The following PACRG variants were observed in gnomAD, a reference collection of about 807,000 sequenced individuals.
PACRG encodes parkin coregulated gene protein.
In PACRG, 29 loss-of-function variants were observed where a neutral mutation model predicts 29.7. The ratio of observed to expected loss-of-function variants is 0.98; its 90% confidence interval spans 0.73 to 1.33. The LOEUF (loss-of-function observed/expected upper bound fraction) is 1.33, where lower values mean the gene tolerates loss of function less well. Ranked by LOEUF, PACRG falls within the 40% of genes most tolerant of loss-of-function variation. The pLI is 0.00. For missense variants in PACRG, 279 were observed against 316.2 expected (o/e 0.88, Z 0.89); for synonymous variants, 116 against 118.7 (o/e 0.98, Z 0.15).
At chr6:163,297,896 A>G (rs1177946256) in intron 4 of PACRG, among the ~76,000 whole-genome samples, 1 of 152,134 alleles carries the variant, frequency 6.6e-6, no homozygotes, top group African/African-American at 2.4e-5. Context: ...CTCCTTCTGT[A>G]TATGACCATC....
intron 2 of PACRG, among the ~76,000 whole-genome samples, chr6:163,059,276 C>T (rs1284097079): frequency 3.9e-5 from 6 of 152,034 alleles, no homozygotes; most frequent in African/African-American, 1.4e-4. Context: ...TCTCTTTTCT[C>T]ATAACTTTTG....
chr6:162,780,725 AT>A (rs890036795), intron 1 of PACRG, among the ~76,000 whole-genome samples: 2 of 152,108 alleles, frequency 1.3e-5, no homozygotes, highest in African/African-American at 4.8e-5. Flanking sequence ...ATCCAAATCA[AT>A]TTTTAGAGTT....
chr6:162,931,114 T>G (rs1351906555), intron 2 of PACRG, among the ~76,000 whole-genome samples: 1 of 151,738 alleles, frequency 6.6e-6, no homozygotes, highest in Non-Finnish European at 1.5e-5. Context: ...TTCTTTCTTC[T>G]ACAAAAAATT....
In PACRG at chr6:162,801,350, C is replaced by T. The variant is rs1408644767; in HGVS notation, c.157-12797C>T. On this transcript the variant is annotated intron_variant, in intron 1 of 4. Coordinates refer to ENST00000366888, the MANE Select transcript of PACRG (RefSeq NM_001080379.2). ...TCTCAAACTCCTGACCTCAGGTGATCCGCCCCCCTTGGCCTCCCAAAATGC... is the reference window on the plus strand; with the variant it reads ...TCTCAAACTCCTGACCTCAGGTGATTCGCCCCCCTTGGCCTCCCAAAATGC... Among the ~76,000 whole-genome samples the T allele has an allele frequency of 4.0e-5, 6 of 151,700 alleles. No individual in the cohort carries two copies. The South Asian group carries it at 8.3e-4, about 21-fold the overall frequency.
intron 2 of PACRG, among the ~76,000 whole-genome samples, chr6:162,926,333 C>T (rs1797439574): frequency 6.6e-6 from 1 of 151,530 alleles, no homozygotes; most frequent in Admixed American, 6.6e-5. Flanking sequence ...AAACAAGAGC[C>T]CATATATCCA....
intron 4 of PACRG, among the ~76,000 whole-genome samples, chr6:163,163,255 T>C (rs1778635967): frequency 6.6e-6 from 1 of 151,996 alleles, no homozygotes; most frequent in South Asian, 2.1e-4. Context: ...ATGGTTTTTT[T>C]TGTTGTTTTT....
At chr6:163,202,240 G>A (rs73784531) in intron 4 of PACRG, among the ~76,000 whole-genome samples, 9,440 of 152,006 alleles carry the variant, frequency 0.062, 747 homozygotes, top group African/African-American at 0.18. Flanking sequence ...ACTGAGGGAG[G>A]AAACATAAGA....
intron 2 of PACRG, among the ~76,000 whole-genome samples, chr6:162,833,767 A>G (rs1788980762): frequency 6.6e-6 from 1 of 152,080 alleles, no homozygotes; most frequent in South Asian, 2.1e-4. Flanking sequence ...AATTTTTAGG[A>G]CTTTTTTCAG....
In PACRG at chr6:162,874,150, AAAT is replaced by A. The variant is rs1228613536; in HGVS notation, c.291+59871_291+59873del. 2.9e-3 allele frequency among the ~76,000 whole-genome samples: 316 copies of A among 110,440 alleles called. 1 individual carries two copies. Among genetic ancestry groups the A allele is most frequent in the Non-Finnish European group, 4.9e-3 (254 of 52,362 alleles). The allele number at this position is 110,440 out of a possible 152,430, so 72.5% of individuals were successfully genotyped here. The stretch of plus-strand genomic sequence containing the variant: ...AAACATGAGGGAGTTAAAAAAAAAA[AAAT>A]ATATATATATATATGTATATATATG... On this transcript the variant is annotated intron_variant, in intron 2 of 4. Transcript: ENST00000366888.
chr6:163,269,218 A>G (rs1783645357), intron 4 of PACRG, among the ~76,000 whole-genome samples: 1 of 152,200 alleles, frequency 6.6e-6, no homozygotes, highest in Non-Finnish European at 1.5e-5. Context: ...GGTTTTGCCC[A>G]TCCAGCACCT....
intron 1 of PACRG, among the ~76,000 whole-genome samples, chr6:162,735,770 C>T (rs1780119249): frequency 1.3e-5 from 2 of 152,080 alleles, no homozygotes. Context: ...AAAATGTTTA[C>T]CTCAAACATA....
At chr6:163,117,984 T>C (rs947508929) in intron 4 of PACRG, among the ~76,000 whole-genome samples, 1 of 152,166 alleles carries the variant, frequency 6.6e-6, no homozygotes, top group African/African-American at 2.4e-5. Context: ...GTAAGAGTGA[T>C]GAAGGCTGAC....
At position 162,929,158 on chromosome 6, in the gene PACRG, G is replaced by T. The variant is rs186175190; in HGVS notation, c.291+114877G>T. 1.3e-3 allele frequency among the ~76,000 whole-genome samples: 199 copies of T among 151,956 alleles called. 2 individuals are homozygous for T. Among genetic ancestry groups the T allele is most frequent in the African/African-American group, 4.6e-3 (189 of 41,478 alleles). On this transcript the variant is annotated intron_variant, in intron 2 of 4. Transcript: ENST00000366888. Reference sequence around the variant, plus strand: ...AGCAGAGGAATTGCTGGATCATACGGGAGTTCTATTTTTAGTATTTTGAGG... The same window carrying T: ...AGCAGAGGAATTGCTGGATCATACGTGAGTTCTATTTTTAGTATTTTGAGG...
intron 1 of PACRG, among the ~76,000 whole-genome samples, chr6:162,773,786 T>G (rs1411840044): frequency 2.0e-5 from 3 of 152,150 alleles, no homozygotes; most frequent in Admixed American, 1.3e-4. Context: ...AAGTGTCATT[T>G]TTTTTAATTA....
Position 162,842,110 on chromosome 6 carries a change from G to A in PACRG, c.291+27829G>A, listed in dbSNP as rs1301942244. Among the ~76,000 whole-genome samples, 3 of 150,008 alleles carry A rather than the reference G, an allele frequency of 2.0e-5. No homozygotes were observed. The East Asian group carries it at 5.9e-4, about 30-fold the overall frequency. ...GGAGAGTTCTGTAGATGTCTATTAGGTCCGCTTGGTGCAGAGCTGAGTTCA... is the reference window on the plus strand; with the variant it reads ...GGAGAGTTCTGTAGATGTCTATTAGATCCGCTTGGTGCAGAGCTGAGTTCA... On this transcript the variant is annotated intron_variant, in intron 2 of 4. Transcript: ENST00000366888.
chr6:163,005,766 ATATATATATAAAACGTAGTTATACATGT>A (rs1805006434), intron 2 of PACRG, among the ~76,000 whole-genome samples: 1 of 149,824 alleles, frequency 6.7e-6, no homozygotes, highest in African/African-American at 2.4e-5. Flanking sequence ...CTGAAATTTT[ATATATATATAAAACGTAGTTATACATGT>A]TATATATATA....
intron 2 of PACRG, among the ~76,000 whole-genome samples, chr6:162,822,321 T>A (rs1787910952): frequency 6.6e-6 from 1 of 152,200 alleles, no homozygotes; most frequent in Non-Finnish European, 1.5e-5. Context: ...CTGTAGTAAT[T>A]CTCATGGTAT....
At position 163,096,111 on chromosome 6, in the gene PACRG, G is replaced by A. The variant is rs112983036; in HGVS notation, c.613+6703G>A. 2.4e-3 allele frequency among the ~76,000 whole-genome samples: 366 copies of A among 152,000 alleles called. 1 individual carries two copies. The highest frequency in any genetic ancestry group is 3.4e-3 in the Middle Eastern group (1 of 294). Reference sequence around the variant, plus strand: ...GGTTTGTTTAGTTAAGAAAGAAACTGGGCCTGGATAAGTTTTGAGTAGGGG... The same window carrying A: ...GGTTTGTTTAGTTAAGAAAGAAACTAGGCCTGGATAAGTTTTGAGTAGGGG... On this transcript the variant is annotated intron_variant, in intron 4 of 4. Coordinates refer to ENST00000366888, the MANE Select transcript of PACRG (RefSeq NM_001080379.2).
At chr6:162,776,241 T>C (rs1783633396) in intron 1 of PACRG, among the ~76,000 whole-genome samples, 1 of 152,250 alleles carries the variant, frequency 6.6e-6, no homozygotes, top group Non-Finnish European at 1.5e-5. Flanking sequence ...GATTCTCCTG[T>C]AGCATTGTCA....
Sources: gnomAD v4.1 joint callset for allele counts (sites outside exome capture counted in the v4.1 genomes callset) on GRCh38, gnomAD v4.1.1 for gene constraint, MANE v1.5 for transcripts, NCBI Gene and HGNC (gene_info 2026-07-23, HGNC 2026-07-21) for gene names.